PIAS4: variants seen among roughly 807,000 people sequenced by gnomAD.
PIAS4 encodes protein inhibitor of activated STAT 4, also known as E3 SUMO-protein ligase PIAS4.
PIAS4 carries 7 observed loss-of-function variants against 58.0 expected under a neutral mutation model. The ratio of observed to expected loss-of-function variants is 0.12; its 90% CI spans 0.07 to 0.23. The LOEUF (loss-of-function observed/expected upper bound fraction) is 0.23. Ranked by LOEUF, PIAS4 falls within the 10% of genes least tolerant of loss-of-function variation. The pLI is 1.00. For missense variants in PIAS4, 550 were observed against 709.5 expected (o/e 0.78, Z 2.55); for synonymous variants, 364 against 312.4 (o/e 1.17, Z -1.74).
In PIAS4 at chr19:4,010,306, C is replaced by T. The variant is rs147749247; in HGVS notation, c.27+2519C>T. Among the ~76,000 whole-genome samples the T allele has an allele frequency of 2.0e-5, 3 of 152,158 alleles. No homozygotes were observed. In the East Asian group the frequency reaches 5.8e-4, roughly 29 times the overall value. The stretch of plus-strand genomic sequence containing the variant: ...GGTGTGCTCCGGGAAGCGGGAGCTG[C>T]GGCTCCACTGTCCAGCCTGGGTGGG... On this transcript the variant is annotated intron_variant, in intron 1 of 10. Transcript: ENST00000262971.
chr19:4,024,342 TAG>T (rs1457771302), intron 3 of PIAS4, among the ~76,000 whole-genome samples: 1 of 152,190 alleles, frequency 6.6e-6, no homozygotes, highest in Non-Finnish European at 1.5e-5. Context: ...TGCAGCCTGC[TAG>T]AGAGAGGCGG....
At chr19:4,030,161 C>T (rs891924681) in intron 7 of PIAS4, among the ~76,000 whole-genome samples, 2 of 150,428 alleles carry the variant, frequency 1.3e-5, no homozygotes, top group Admixed American at 6.7e-5. Context: ...TGGAATCTTG[C>T]TGTGTTGCCC....
At position 4,013,470 on chromosome 19, in the gene PIAS4, G is replaced by A; in HGVS notation, c.454+121G>A. ...CTCTGTGGCGCAGCCAGGGCGGGGA[G>A]CCACAGTGGCCAGGGGTGTCCTTCC... On this transcript the variant is annotated intron_variant, in intron 2 of 10. Transcript: ENST00000262971. This position sits in a 1 kb window ranked among gnomAD's most constrained non-coding sequence, Gnocchi z 5.1. The A allele has an allele frequency of 2.4e-6, 2 of 829,694 alleles. No homozygotes were observed. The highest frequency in any genetic ancestry group is 7.4e-4 in the Middle Eastern group (2 of 2,712). 51.4% of individuals were successfully genotyped at this position (829,694 alleles called of 1,614,324 possible).
intron 1 of PIAS4, among the ~76,000 whole-genome samples, chr19:4,008,515 G>A (rs760392570): frequency 6.6e-6 from 1 of 152,100 alleles, no homozygotes; most frequent in Non-Finnish European, 1.5e-5. Context: ...GGGAAGGCTG[G>A]GCCCTCCCTT....
At chr19:4,027,563 T>G (rs899254579) in intron 3 of PIAS4, among the ~76,000 whole-genome samples, 19 of 100,130 alleles carry the variant, frequency 1.9e-4, no homozygotes, top group African/African-American at 4.6e-4. Context: ...GTGTTACTGG[T>G]TTTTGTTTTT....
At chr19:4,030,983 G>A (rs1408335469) in intron 7 of PIAS4, among the ~76,000 whole-genome samples, 2 of 152,186 alleles carry the variant, frequency 1.3e-5, no homozygotes, top group Admixed American at 6.5e-5. Flanking sequence ...TGGGCCAGCC[G>A]GGTTTGCTCG....
Position 4,007,935 on chromosome 19 carries a change from G to A in PIAS4, c.27+148G>A, listed in dbSNP as rs1341805094. On this transcript the variant is annotated intron_variant, in intron 1 of 10. Transcript: ENST00000262971. ...CCCGGCCCCCAGACCCCGACCCCCG[G>A]TCTCAGGGTGAGGGCGGGGGGCGGG... is the stretch of plus-strand genomic sequence containing the variant. The A allele has an allele frequency of 1.0e-5, 5 of 484,488 alleles. No homozygotes were observed. In the East Asian group the frequency reaches 1.8e-4, roughly 17 times the overall value. 30.0% of individuals were successfully genotyped at this position (484,488 alleles called of 1,614,324 possible).
chr19:4,023,091 G>GA (rs2040125922), intron 2 of PIAS4, among the ~76,000 whole-genome samples: 1 of 150,304 alleles, frequency 6.7e-6, no homozygotes, highest in African/African-American at 2.5e-5. Flanking sequence ...AGGATCACTT[G>GA]AACCCAGGAG....
At chr19:4,022,957 A>G (rs1354715503) in intron 2 of PIAS4, among the ~76,000 whole-genome samples, 3 of 151,334 alleles carry the variant, frequency 2.0e-5, no homozygotes, top group Non-Finnish European at 4.4e-5. Flanking sequence ...AGATCACCTG[A>G]GGTCGGGAGT....
chr19:4,008,620 G>A (rs1225164427), intron 1 of PIAS4, among the ~76,000 whole-genome samples: 1 of 151,878 alleles, frequency 6.6e-6, no homozygotes, highest in Admixed American at 6.6e-5. Flanking sequence ...CTGTGCTTTG[G>A]TCCTACCTCG....
Position 4,028,566 on chromosome 19 carries a change from C to G in PIAS4, c.638C>G (p.Ala213Gly). Residue 213 changes from alanine (A) to glycine (G), a missense_variant, in exon 5 of 11, where the codon GCT (alanine) becomes GGT (glycine). Transcript: ENST00000262971. ...PQEDQYPPNIAVKVNHSYCSV... is the reference protein window; with the variant it reads ...PQEDQYPPNIGVKVNHSYCSV... ...GAGGACCAGTACCCGCCCAACATCG[C>G]TGTGAAGGTCAACCACAGCTACTGC... The G allele has an allele frequency of 6.2e-7, 1 of 1,613,076 alleles. No individual in the cohort carries two copies. The highest frequency in any genetic ancestry group is 8.5e-7 in the Non-Finnish European group (1 of 1,179,926).
intron 3 of PIAS4, among the ~76,000 whole-genome samples, chr19:4,027,357 C>T (rs1427248418): frequency 6.6e-6 from 1 of 152,188 alleles, no homozygotes; most frequent in African/African-American, 2.4e-5. Context: ...AGGCCTGGGT[C>T]TGAGCCTGGC....
In PIAS4 at chr19:4,028,576, C is replaced by T. The variant is rs371091185; in HGVS notation, c.648C>T (p.Val216=). ...ACCCGCCCAACATCGCTGTGAAGGT[C>T]AACCACAGCTACTGCTCCGTCCCGG... ...DQYPPNIAVK[V]NHSYCSVPGY... The change falls in exon 5 of 11, where the codon GTC becomes GTT. Residue 216 remains valine, a synonymous_variant. Transcript: ENST00000262971. 6.2e-7 allele frequency: 1 copy of T among 1,612,886 alleles called. No homozygotes were observed. Among genetic ancestry groups the T allele is most frequent in the Non-Finnish European group, 8.5e-7 (1 of 1,179,914 alleles).
chr19:4,033,324 T>C (rs1004318705), intron 8 of PIAS4, 96 bp from the exon 9 acceptor site: 6 of 1,345,980 alleles, frequency 4.5e-6, no homozygotes, highest in Non-Finnish European at 5.1e-6. Flanking sequence ...GCATGAGTGA[T>C]TGGAGCGAGC....
chr19:4,032,077 G>A (rs957480824), intron 7 of PIAS4, among the ~76,000 whole-genome samples: 10 of 152,170 alleles, frequency 6.6e-5, no homozygotes, highest in Admixed American at 2.0e-4. Context: ...TCCACACCCC[G>A]GCTGGGGGTC....
intron 2 of PIAS4, among the ~76,000 whole-genome samples, chr19:4,023,216 C>T (rs1217438326): frequency 6.8e-5 from 10 of 147,342 alleles, no homozygotes; most frequent in East Asian, 4.0e-4. Flanking sequence ...CAGTGGCTCA[C>T]GCCTGTAATC....
At chr19:4,028,236 G>GC in intron 4 of PIAS4, 49 bp downstream of exon 4, 1 of 883,910 alleles carries the variant, frequency 1.1e-6, no homozygotes, top group South Asian at 1.9e-5. Flanking sequence ...CCAGCCACCC[G>GC]CCCCTCCCCG....
At chr19:4,011,602 G>A (rs906281557) in intron 1 of PIAS4, among the ~76,000 whole-genome samples, 1 of 152,238 alleles carries the variant, frequency 6.6e-6, no homozygotes, top group Non-Finnish European at 1.5e-5. Flanking sequence ...CCCTTGGACC[G>A]GTCCCCCAGG....
At chr19:4,028,644 G>A in intron 5 of PIAS4, 44 bp downstream of exon 5, 2 of 1,607,554 alleles carry the variant, frequency 1.2e-6, no homozygotes, top group Non-Finnish European at 1.7e-6. Flanking sequence ...GGTTTGGGGG[G>A]CGTGGAGGGA....
Sources: gnomAD v4.1 joint callset for allele counts (sites outside exome capture counted in the v4.1 genomes callset) on GRCh38, gnomAD v4.1.1 for gene constraint, Gnocchi (gnomAD v3.1) non-coding constraint, MANE v1.5 for transcripts, NCBI Gene and HGNC (gene_info 2026-07-23, HGNC 2026-07-21) for gene names.